Variants in PTPRT observed in about 807,000 individuals in gnomAD.
The protein encoded by PTPRT is receptor-type tyrosine-protein phosphatase T.
In PTPRT, 56 loss-of-function variants were observed where a neutral mutation model predicts 176.8. The ratio of observed to expected loss-of-function variants is 0.32; its 90% CI spans 0.26 to 0.40. The LOEUF (loss-of-function observed/expected upper bound fraction) is 0.40, where lower values mean the gene tolerates loss of function less well. Among genes scored for constraint, PTPRT ranks in the 10% least tolerant of loss-of-function variants. The pLI, the probability that PTPRT is intolerant of heterozygous loss-of-function variation, is 1.00. For synonymous variants in PTPRT, 783 were observed against 739.0 expected (o/e 1.06, Z -0.96); for missense variants, 1,540 against 1,908.2 (o/e 0.81, Z 3.60).
rs186706220 is a variant in PTPRT, at chr20:42,604,380, G to A, written c.1153+73486C>T. Among the ~76,000 whole-genome samples, 94 of 152,300 alleles carry A rather than the reference G, an allele frequency of 6.2e-4. 1 individual carries two copies. The highest frequency in any genetic ancestry group is 2.0e-3 in the African/African-American group (84 of 41,560). On this transcript the variant is annotated intron_variant, in intron 7 of 30. Coordinates refer to ENST00000373187, the MANE Select transcript of PTPRT (RefSeq NM_007050.6). Reference sequence around the variant, plus strand: ...TGGGCATGAGATGGTGGGGCCATGCGATCCCTCTGGAGACAGGAATCTGGT... The same window carrying A: ...TGGGCATGAGATGGTGGGGCCATGCAATCCCTCTGGAGACAGGAATCTGGT...
chr20:42,245,461 G>A (rs986986297), intron 14 of PTPRT, among the ~76,000 whole-genome samples: 4 of 151,980 alleles, frequency 2.6e-5, no homozygotes, highest in Admixed American at 6.6e-5. Context: ...TCTCCTTTTC[G>A]TTTCTCAAGA....
intron 1 of PTPRT, among the ~76,000 whole-genome samples, chr20:42,977,436 C>G (rs192141983): frequency 4.3e-4 from 65 of 152,170 alleles, no homozygotes; most frequent in African/African-American, 1.5e-3. Context: ...TTTCATATCA[C>G]TTATTACACT....
At chr20:42,216,058 G>C (rs907108057) in intron 15 of PTPRT, among the ~76,000 whole-genome samples, 2 of 152,136 alleles carry the variant, frequency 1.3e-5, no homozygotes, top group Non-Finnish European at 2.9e-5. Context: ...AGCGTCTCCT[G>C]GTTGCTGAGG....
At chr20:42,245,176 A>C (rs1250707708) in intron 14 of PTPRT, among the ~76,000 whole-genome samples, 1 of 152,234 alleles carries the variant, frequency 6.6e-6, no homozygotes, top group African/African-American at 2.4e-5. Flanking sequence ...GCCACTATCT[A>C]GTGACAGCAG....
chr20:42,196,371 C>T (rs1991218901), intron 16 of PTPRT, among the ~76,000 whole-genome samples: 1 of 152,000 alleles, frequency 6.6e-6, no homozygotes, highest in African/African-American at 2.4e-5. Context: ...TAATTATATA[C>T]ATATTTATGG....
At chr20:43,014,166 C>G (rs1480532756) in intron 1 of PTPRT, among the ~76,000 whole-genome samples, 1 of 152,048 alleles carries the variant, frequency 6.6e-6, no homozygotes, top group Non-Finnish European at 1.5e-5. Flanking sequence ...AAAGAGTTCC[C>G]CCTGAGGACC....
intron 16 of PTPRT, among the ~76,000 whole-genome samples, chr20:42,167,962 T>C (rs915133949): frequency 7.9e-5 from 12 of 152,182 alleles, no homozygotes; most frequent in South Asian, 2.1e-4. Flanking sequence ...AGAAGCCTTA[T>C]TGATAACATA....
chr20:42,529,861 A>G lies in PTPRT; in HGVS notation c.1154-57299T>C, dbSNP rs540475434. ...ACTTGTTAGAGGAAAAAAAAAAAAA[A>G]AAAAGAAAAAAAAGACTTGATGGTT... On this transcript the variant is annotated intron_variant, in intron 7 of 30. Transcript: ENST00000373187. Among the ~76,000 whole-genome samples, 8 of 151,846 alleles carry G rather than the reference A, an allele frequency of 5.3e-5. No individual in the cohort carries two copies. In the East Asian group the frequency reaches 7.7e-4, roughly 15 times the overall value.
chr20:42,133,266 T>G (rs1031073733), intron 18 of PTPRT, among the ~76,000 whole-genome samples: 8 of 152,208 alleles, frequency 5.3e-5, no homozygotes, highest in Non-Finnish European at 8.8e-5. Context: ...TGACTTATGA[T>G]ATTTTAAACT....
chr20:42,660,148 T>C (rs756623861), intron 7 of PTPRT, among the ~76,000 whole-genome samples: 1 of 152,188 alleles, frequency 6.6e-6, no homozygotes, highest in Non-Finnish European at 1.5e-5. Context: ...CAAGAGCAGG[T>C]GGTGCTGGCC....
intron 7 of PTPRT, among the ~76,000 whole-genome samples, chr20:42,633,962 A>G (rs1341454362): frequency 1.1e-4 from 2 of 17,522 alleles, no homozygotes; most frequent in South Asian, 1.2e-3. Context: ...AATTATATAT[A>G]ATATATTATA....
chr20:42,769,755 C>T (rs1398972707), intron 5 of PTPRT, among the ~76,000 whole-genome samples: 3 of 152,080 alleles, frequency 2.0e-5, no homozygotes, highest in Non-Finnish European at 2.9e-5. Flanking sequence ...GATGGATAAA[C>T]AAATAGTAGT....
chr20:42,609,069 C>A lies in PTPRT; in HGVS notation c.1153+68797G>T, dbSNP rs1309317744. 2.0e-5 allele frequency among the ~76,000 whole-genome samples: 3 copies of A among 152,040 alleles called. No individual in the cohort carries two copies. The East Asian group carries it at 5.8e-4, about 29-fold the overall frequency. On this transcript the variant is annotated intron_variant, in intron 7 of 30. Transcript: ENST00000373187. ...AGGAAGATAATACAGAACACTCCAA[C>A]ACTTTTTTTTCTTTTCATTTTTGAG...
intron 16 of PTPRT, among the ~76,000 whole-genome samples, chr20:42,167,043 A>G (rs1183139772): frequency 6.6e-6 from 1 of 152,208 alleles, no homozygotes; most frequent in Non-Finnish European, 1.5e-5. Flanking sequence ...TCCTTGGCCA[A>G]GTGACAAATC....
intron 9 of PTPRT, among the ~76,000 whole-genome samples, chr20:42,394,334 G>T (rs764899353): frequency 5.3e-5 from 8 of 152,120 alleles, no homozygotes; most frequent in Non-Finnish European, 1.2e-4. Context: ...CCAGTGATCG[G>T]TTAACCTATG....
chr20:42,300,651 A>T (rs2057452603), intron 12 of PTPRT, among the ~76,000 whole-genome samples: 1 of 151,862 alleles, frequency 6.6e-6, no homozygotes, highest in Non-Finnish European at 1.5e-5. Context: ...ATACATTGAA[A>T]ATAGGGGAGA....
intron 21 of PTPRT, 89 bp from the exon 22 acceptor site, chr20:42,115,404 G>T: frequency 9.9e-7 from 1 of 1,006,190 alleles, no homozygotes; most frequent in Non-Finnish European, 1.6e-6. Flanking sequence ...GTCTCATCTG[G>T]TCGTCCCATC....
intron 8 of PTPRT, among the ~76,000 whole-genome samples, chr20:42,461,510 G>A (rs2071019307): frequency 6.6e-6 from 1 of 152,132 alleles, no homozygotes; most frequent in Non-Finnish European, 1.5e-5. Context: ...CCTCCAGCCT[G>A]GGAGACACAG....
At chr20:42,686,478 TTTTTTTTTTTTTTTTTTTTTTTTG>T (rs2075695038) in intron 6 of PTPRT, among the ~76,000 whole-genome samples, 1 of 43,374 alleles carries the variant, frequency 2.3e-5, no homozygotes, top group Non-Finnish European at 4.9e-5. Context: ...TTTTTTTTTT[TTTTTTTTTTTTTTTTTTTTTTTTG>T]AGACAGAGTC....
Sources: allele counts gnomAD v4.1 joint callset (sites outside exome capture counted in the v4.1 genomes callset), GRCh38; gene constraint gnomAD v4.1.1; transcripts MANE v1.5; gene names NCBI Gene and HGNC (gene_info 2026-07-23, HGNC 2026-07-21).